Variants in NCKAP5 observed in about 807,000 individuals in gnomAD.
NCKAP5 encodes NCK associated protein 5.
Under a neutral mutation model 167.0 loss-of-function variants are expected in NCKAP5, and 92 were observed. The ratio of observed to expected loss-of-function variants is 0.55; its 90% CI spans 0.47 to 0.66. The LOEUF is 0.66. Ranked by LOEUF, NCKAP5 falls within the 30% of genes least tolerant of loss-of-function variation. NCKAP5 has a pLI of 0.00. For synonymous variants in NCKAP5, 891 were observed against 877.4 expected, an observed-to-expected ratio of 1.02 and a Z score of -0.27; for missense variants, 2,378 against 2,315.0, an observed-to-expected ratio of 1.03 and a Z score of -0.56.
intron 5 of NCKAP5, among the ~76,000 whole-genome samples, chr2:133,166,824 C>T (rs905737883): frequency 6.6e-6 from 1 of 152,158 alleles, no homozygotes; most frequent in African/African-American, 2.4e-5. Context: ...AGGGGGCTGA[C>T]ATTTCTTGAG....
intron 8 of NCKAP5, among the ~76,000 whole-genome samples, chr2:132,941,901 T>C (rs908732751): frequency 5.9e-5 from 9 of 152,224 alleles, no homozygotes; most frequent in African/African-American, 2.2e-4. Flanking sequence ...TTCATCACTG[T>C]TGTGATCTAT....
intron 4 of NCKAP5, among the ~76,000 whole-genome samples, chr2:133,296,126 T>A (rs1679941910): frequency 1.3e-5 from 2 of 152,094 alleles, no homozygotes; most frequent in Non-Finnish European, 2.9e-5. Flanking sequence ...GCTGCTCCTG[T>A]GGGTAACATC....
intron 3 of NCKAP5, among the ~76,000 whole-genome samples, chr2:133,465,094 G>C (rs1412323240): frequency 6.6e-6 from 1 of 151,316 alleles, no homozygotes; most frequent in Admixed American, 6.6e-5. Context: ...TGCCATGCTG[G>C]TGTGCTGTAC....
intron 6 of NCKAP5, among the ~76,000 whole-genome samples, chr2:133,043,543 T>C (rs1280714792): frequency 4.6e-5 from 7 of 152,036 alleles, no homozygotes; most frequent in Non-Finnish European, 1.0e-4. Flanking sequence ...CAAAAAAAAC[T>C]CATTATGTTT....
chr2:133,603,854 C>T, the NCKAP5 span, among the ~76,000 whole-genome samples: 1 of 152,190 alleles, frequency 6.6e-6, no homozygotes, highest in Non-Finnish European at 1.5e-5. Flanking sequence ...GGGATTTAAT[C>T]CAGTGCTTGG....
At chr2:132,869,241 T>G (rs934279748) in intron 9 of NCKAP5, among the ~76,000 whole-genome samples, 2 of 152,194 alleles carry the variant, frequency 1.3e-5, no homozygotes, top group African/African-American at 4.8e-5. Flanking sequence ...TTTCCATATT[T>G]GGAAAAATGA....
intron 8 of NCKAP5, among the ~76,000 whole-genome samples, chr2:132,880,443 A>G (rs1330434085): frequency 6.6e-6 from 1 of 152,120 alleles, no homozygotes; most frequent in Non-Finnish European, 1.5e-5. Flanking sequence ...CAGCCTGGCC[A>G]ACAGGGTGAA....
chr2:133,114,697 C>A (rs901526364), intron 6 of NCKAP5, among the ~76,000 whole-genome samples: 4 of 151,888 alleles, frequency 2.6e-5, no homozygotes, highest in Admixed American at 2.6e-4. Context: ...CTTCCTTGTA[C>A]TTTATTTGTT....
chr2:133,097,751 G>A (rs2081387440), intron 6 of NCKAP5, among the ~76,000 whole-genome samples: 1 of 152,130 alleles, frequency 6.6e-6, no homozygotes, highest in Non-Finnish European at 1.5e-5. Context: ...TGCAAAATAT[G>A]AACCCACCTT....
intron 19 of NCKAP5, among the ~76,000 whole-genome samples, chr2:132,677,246 A>G (rs1256887045): frequency 6.6e-6 from 1 of 152,166 alleles, no homozygotes; most frequent in Non-Finnish European, 1.5e-5. Context: ...GAATAAAAGT[A>G]GGGCTAAACA....
At chr2:133,620,292 A>G in the NCKAP5 span, among the ~76,000 whole-genome samples, 2 of 152,182 alleles carry the variant, frequency 1.3e-5, no homozygotes, top group African/African-American at 2.4e-5. Context: ...ACACAAAATG[A>G]GAGAATGGAG....
intron 8 of NCKAP5, among the ~76,000 whole-genome samples, chr2:132,924,626 ACAG>A (rs1695707803): frequency 6.6e-6 from 1 of 152,214 alleles, no homozygotes; most frequent in South Asian, 2.1e-4. Flanking sequence ...ACAACCCTTA[ACAG>A]CTAGTCCAGG....
chr2:133,672,496 C>T, the NCKAP5 span, among the ~76,000 whole-genome samples: 100 of 152,260 alleles, frequency 6.6e-4, no homozygotes, highest in African/African-American at 2.2e-3. Context: ...CAGTGCATAA[C>T]GGATTAGAAA....
chr2:133,509,958 C>A (rs1436038010), intron 3 of NCKAP5, among the ~76,000 whole-genome samples: 1 of 152,084 alleles, frequency 6.6e-6, no homozygotes, highest in East Asian at 1.9e-4. Context: ...TGACAGCCTG[C>A]CTTCTTTTCA....
chr2:133,377,797 A>G (rs550371097), intron 3 of NCKAP5, among the ~76,000 whole-genome samples: 6 of 152,218 alleles, frequency 3.9e-5, no homozygotes, highest in Non-Finnish European at 8.8e-5. Context: ...AGGAAGTAAG[A>G]ACTGGGCTCA....
intron 6 of NCKAP5, among the ~76,000 whole-genome samples, chr2:133,112,235 G>A (rs1291374580): frequency 6.6e-6 from 1 of 152,162 alleles, no homozygotes; most frequent in Non-Finnish European, 1.5e-5. Context: ...AGCACTTTGG[G>A]AGGCTGAGGC....
chr2:132,766,278 CAA>C (rs70973405), intron 16 of NCKAP5, among the ~76,000 whole-genome samples: 692 of 38,326 alleles, frequency 0.018, no homozygotes, highest in African/African-American at 0.055. Context: ...GATTCTGTCT[CAA>C]AAAAAAAAAA....
intron 7 of NCKAP5, among the ~76,000 whole-genome samples, chr2:132,967,609 T>C (rs2076711366): frequency 6.6e-6 from 1 of 152,160 alleles, no homozygotes. Flanking sequence ...AGAGGATGCT[T>C]GGAAATGAGA....
intron 6 of NCKAP5, among the ~76,000 whole-genome samples, chr2:133,076,171 A>G (rs1177159533): frequency 8.5e-5 from 13 of 152,204 alleles, no homozygotes; most frequent in African/African-American, 1.2e-4. Flanking sequence ...GCAAATTTAA[A>G]AAATAAATTA....
Sources: gnomAD v4.1 joint callset for allele counts (sites outside exome capture counted in the v4.1 genomes callset) on GRCh38, gnomAD v4.1.1 for gene constraint, MANE v1.5 for transcripts, NCBI Gene and HGNC (gene_info 2026-07-23, HGNC 2026-07-21) for gene names.